Variants in FUT8 observed in about 807,000 individuals in gnomAD.
FUT8 encodes the protein alpha-(1,6)-fucosyltransferase.
A neutral mutation model predicts 71.3 loss-of-function variants in FUT8; 29 were observed. The ratio of observed to expected loss-of-function variants is 0.41; its 90% CI spans 0.30 to 0.55. FUT8 has a LOEUF of 0.55. Among genes scored for constraint, FUT8 ranks in the 20% least tolerant of loss-of-function variants. The probability of loss-of-function intolerance (pLI) is 0.34; values close to 1 mark genes in which losing one functional copy is unlikely to be tolerated. For missense variants in FUT8, 544 were observed against 702.1 expected (o/e 0.77, Z 2.55); for synonymous variants, 254 against 239.3 (o/e 1.06, Z -0.57).
intron 2 of FUT8, among the ~76,000 whole-genome samples, chr14:65,514,422 C>A (rs375716914): frequency 6.6e-6 from 1 of 152,216 alleles, no homozygotes; most frequent in African/African-American, 2.4e-5. Context: ...CTGCCGAATA[C>A]AAGAGGAAAA....
the FUT8 span, among the ~76,000 whole-genome samples, chr14:65,376,134 T>TTA: frequency 4.7e-5 from 7 of 150,502 alleles, no homozygotes; most frequent in African/African-American, 1.5e-4. Flanking sequence ...TAAGAAAAGG[T>TTA]GTGTATTCTG....
intron 2 of FUT8, among the ~76,000 whole-genome samples, chr14:65,540,574 C>T (rs1193705933): frequency 1.3e-5 from 2 of 152,212 alleles, no homozygotes; most frequent in Admixed American, 1.3e-4. Flanking sequence ...ACCATCATCT[C>T]TACTTCACCT....
the FUT8 span, among the ~76,000 whole-genome samples, chr14:65,398,907 T>G: frequency 0.82 from 125,037 of 152,190 alleles, 51,682 homozygotes; most frequent in East Asian, 1. Context: ...GTGATTGGGA[T>G]ACAGTCAAGG....
At chr14:65,451,508 C>T (rs2065825801) in intron 1 of FUT8, among the ~76,000 whole-genome samples, 1 of 152,078 alleles carries the variant, frequency 6.6e-6, no homozygotes, top group South Asian at 2.1e-4. Flanking sequence ...GACCCTTTGC[C>T]TTCTTTTTGT....
Position 65,526,146 on chromosome 14 carries a change from G to A in FUT8, c.-227-35191G>A, listed in dbSNP as rs1308799136. 5.3e-5 allele frequency among the ~76,000 whole-genome samples: 8 copies of A among 151,962 alleles called. No individual in the cohort carries two copies. The East Asian group carries it at 9.7e-4, about 18-fold the overall frequency. ...AACTTTCTGTCTCATTGATCTGTCT[G>A]ATGTTGACAGTGGGGTGTTAAAGTC... On this transcript the variant is annotated intron_variant, in intron 2 of 10. Transcript: ENST00000673929.
intron 7 of FUT8, among the ~76,000 whole-genome samples, chr14:65,700,629 G>GT (rs1285038657): frequency 6.6e-6 from 1 of 151,946 alleles, no homozygotes; most frequent in East Asian, 1.9e-4. Context: ...TCGATCTCCT[G>GT]ACCTCGTGAT....
the FUT8 span, among the ~76,000 whole-genome samples, chr14:65,378,835 A>G: frequency 9.2e-5 from 8 of 86,536 alleles, no homozygotes; most frequent in Non-Finnish European, 1.9e-4. Flanking sequence ...TTTCACAAGA[A>G]GGTTTTTTTT....
intron 2 of FUT8, among the ~76,000 whole-genome samples, chr14:65,541,629 CACA>C (rs1212763069): frequency 6.6e-6 from 1 of 152,170 alleles, no homozygotes; most frequent in African/African-American, 2.4e-5. Flanking sequence ...GATGCCTGCT[CACA>C]TTGGTGAGGG....
At chr14:65,434,439 C>T (rs575974452) in intron 1 of FUT8, among the ~76,000 whole-genome samples, 5 of 152,210 alleles carry the variant, frequency 3.3e-5, no homozygotes, top group Non-Finnish European at 5.9e-5. Context: ...TTGACATTAA[C>T]ATCAGAACCA....
intron 6 of FUT8, among the ~76,000 whole-genome samples, chr14:65,661,350 A>C (rs1891954930): frequency 6.6e-6 from 1 of 152,122 alleles, no homozygotes; most frequent in South Asian, 2.1e-4. Context: ...GCCACCTGTT[A>C]ATTTATTTTT....
In FUT8 at chr14:65,575,568, T is replaced by C. The variant is rs1426499888; in HGVS notation, c.203+13802T>C. Among the ~76,000 whole-genome samples the C allele has an allele frequency of 3.1e-4, 24 of 77,572 alleles. No homozygotes were observed. The South Asian group carries it at 6.7e-3, about 22-fold the overall frequency. The allele number at this position is 77,572 out of a possible 152,430, so 50.9% of individuals were successfully genotyped here. On this transcript the variant is annotated intron_variant, in intron 3 of 10. Coordinates refer to ENST00000673929, the MANE Select transcript of FUT8 (RefSeq NM_001371533.1). Reference sequence around the variant, plus strand: ...CCAACCTCCCTTCCTCCCTCCCTTCTTTCCTTCCTTCCTTCTTCCTTCCTT... The same window carrying C: ...CCAACCTCCCTTCCTCCCTCCCTTCCTTCCTTCCTTCCTTCTTCCTTCCTT...
chr14:65,385,692 G>A, the FUT8 span, among the ~76,000 whole-genome samples: 10 of 152,084 alleles, frequency 6.6e-5, no homozygotes, highest in African/African-American at 2.4e-4. Flanking sequence ...GAGTTTTCAC[G>A]GCAACTATTG....
In FUT8 at chr14:65,643,664, ATACACAC is replaced by A. The variant is rs1178580233; in HGVS notation, c.597+14059_597+14065del. Reference sequence around the variant, plus strand: ...GCGAGACTCCGTCTTTAAAAAAAAAATACACACACACACACACACACACACACACACA... The same window carrying A: ...GCGAGACTCCGTCTTTAAAAAAAAAAACACACACACACACACACACACACA... On this transcript the variant is annotated intron_variant, in intron 6 of 10. Coordinates refer to ENST00000673929, the MANE Select transcript of FUT8 (RefSeq NM_001371533.1). The surrounding 1 kb of genome is among the most constrained non-coding windows in gnomAD (Gnocchi z 4.5). Among the ~76,000 whole-genome samples, 69 of 82,438 alleles carry A rather than the reference ATACACAC, an allele frequency of 8.4e-4. 3 individuals carry two copies. The South Asian group carries it at 0.02, about 24-fold the overall frequency. 54.1% of individuals were successfully genotyped at this position (82,438 alleles called of 152,430 possible).
intron 2 of FUT8, among the ~76,000 whole-genome samples, chr14:65,549,270 T>G (rs1885149766): frequency 6.6e-6 from 1 of 152,150 alleles, no homozygotes; most frequent in Non-Finnish European, 1.5e-5. Context: ...AAACCTTTTA[T>G]TTTTGAATAT....
At chr14:65,733,462 T>C in intron 10 of FUT8, 81 bp downstream of exon 10, 1 of 993,252 alleles carries the variant, frequency 1.0e-6, no homozygotes, top group African/African-American at 1.7e-5. Context: ...TGTGTCTATG[T>C]GTTGTTAATG....
intron 1 of FUT8, among the ~76,000 whole-genome samples, chr14:65,444,977 G>C (rs1039463126): frequency 6.6e-6 from 1 of 152,014 alleles, no homozygotes; most frequent in Non-Finnish European, 1.5e-5. Flanking sequence ...AGGCCGAGGC[G>C]GGTGGATCAT....
chr14:65,382,310 T>A, the FUT8 span, among the ~76,000 whole-genome samples: 5 of 152,262 alleles, frequency 3.3e-5, no homozygotes, highest in Middle Eastern at 3.4e-3. Flanking sequence ...CCAGATGAAA[T>A]CCCATTAAAT....
chr14:65,566,547 G>A (rs1399424726), intron 3 of FUT8, among the ~76,000 whole-genome samples: 1 of 152,028 alleles, frequency 6.6e-6, no homozygotes, highest in Non-Finnish European at 1.5e-5. Context: ...GAATGACACA[G>A]TGAAAATGGT....
rs1221472162 is a variant in FUT8, at chr14:65,650,323, A to C, written c.598-18920A>C. On this transcript the variant is annotated intron_variant, in intron 6 of 10. Transcript: ENST00000673929. ...CAAAAAAAAAAAAAAAAAAAAAAAA[A>C]AAAACCTGAGACTGGGTAATTTATA... Among the ~76,000 whole-genome samples the C allele has an allele frequency of 1.4e-4, 20 of 146,200 alleles. No homozygotes were observed. In the South Asian group the frequency reaches 2.0e-3, roughly 15 times the overall value.
Sources: allele counts gnomAD v4.1 joint callset (sites outside exome capture counted in the v4.1 genomes callset), GRCh38; gene constraint gnomAD v4.1.1; non-coding constraint Gnocchi (gnomAD v3.1); transcripts MANE v1.5; gene names NCBI Gene and HGNC (gene_info 2026-07-23, HGNC 2026-07-21).